Variants in WDPCP observed in about 807,000 individuals in gnomAD.
The protein encoded by WDPCP is WD repeat containing planar cell polarity effector.
A neutral mutation model predicts 93.1 loss-of-function variants in WDPCP; 71 were observed. That is an observed-to-expected ratio of 0.76 (90% CI 0.63 to 0.93). The LOEUF (loss-of-function observed/expected upper bound fraction) is 0.93. Among genes scored for constraint, WDPCP ranks in the 40% least tolerant of loss-of-function variants. WDPCP has a pLI of 0.00. For missense variants in WDPCP, 844 were observed against 887.4 expected (o/e 0.95, Z 0.62); for synonymous variants, 315 against 315.0 (o/e 1.00, Z 0.00).
intron 14 of WDPCP, among the ~76,000 whole-genome samples, chr2:63,184,964 A>AT (rs1387398616): frequency 3.3e-5 from 5 of 151,834 alleles, no homozygotes; most frequent in South Asian, 4.2e-4. Flanking sequence ...AAATTTTGAG[A>AT]TTTTGTCTTC....
At chr2:63,306,611 C>A (rs1685764490) in intron 13 of WDPCP, among the ~76,000 whole-genome samples, 1 of 152,144 alleles carries the variant, frequency 6.6e-6, no homozygotes, top group African/African-American at 2.4e-5. Context: ...AAACGTAATC[C>A]ATCACATAAA....
At chr2:63,394,012 C>G (rs942297656) in intron 10 of WDPCP, among the ~76,000 whole-genome samples, 1 of 152,070 alleles carries the variant, frequency 6.6e-6, no homozygotes, top group South Asian at 2.1e-4. Context: ...CAGGCCCTGG[C>G]AAAGATTTCA....
intron 14 of WDPCP, among the ~76,000 whole-genome samples, chr2:63,222,386 A>C (rs879554608): frequency 6.6e-6 from 1 of 152,180 alleles, no homozygotes; most frequent in Non-Finnish European, 1.5e-5. Flanking sequence ...CCTTTAAAAA[A>C]CAAGACACTG....
intron 3 of WDPCP, among the ~76,000 whole-genome samples, chr2:63,628,648 A>C (rs565488505): frequency 2.0e-4 from 30 of 152,338 alleles, no homozygotes; most frequent in Non-Finnish European, 4.0e-4. Context: ...AGGAGGCCTC[A>C]GTTTTTCCAT....
At chr2:63,722,656 G>GT (rs1195472074) in intron 2 of WDPCP, among the ~76,000 whole-genome samples, 2 of 53,556 alleles carry the variant, frequency 3.7e-5, no homozygotes, top group Admixed American at 1.4e-4. Context: ...CGGGAGGGAG[G>GT]TGGGGGGGGG....
chr2:63,511,936 G>A (rs1246482584), intron 1 of WDPCP, among the ~76,000 whole-genome samples: 1 of 152,134 alleles, frequency 6.6e-6, no homozygotes. Flanking sequence ...CATAGCAAAA[G>A]AAACTATCAT....
chr2:63,240,259 A>G (rs952283961), intron 14 of WDPCP, among the ~76,000 whole-genome samples: 1 of 151,970 alleles, frequency 6.6e-6, no homozygotes, highest in Non-Finnish European at 1.5e-5. Flanking sequence ...ACTCACTGTA[A>G]CCTCAAACTC....
chr2:63,595,424 C>G (rs1709290003), intron 3 of WDPCP: 1 of 1,596,280 alleles, frequency 6.3e-7, no homozygotes, highest in Non-Finnish European at 8.6e-7. Flanking sequence ...ATTTGGTAGC[C>G]TATAATTCTT....
At chr2:63,313,038 G>T (rs1342041187) in intron 13 of WDPCP, among the ~76,000 whole-genome samples, 1 of 152,046 alleles carries the variant, frequency 6.6e-6, no homozygotes, top group Non-Finnish European at 1.5e-5. Flanking sequence ...AAGATCCATT[G>T]GAGCCAGCAA....
At chr2:63,264,512 T>G (rs1356192294) in intron 13 of WDPCP, among the ~76,000 whole-genome samples, 1 of 152,188 alleles carries the variant, frequency 6.6e-6, no homozygotes, top group Non-Finnish European at 1.5e-5. Context: ...GATAAAGGGT[T>G]CAGTTCATCA....
intron 6 of WDPCP, among the ~76,000 whole-genome samples, chr2:63,467,105 T>C (rs1332408673): frequency 6.6e-6 from 1 of 152,194 alleles, no homozygotes; most frequent in Non-Finnish European, 1.5e-5. Context: ...AATATATCAG[T>C]CAATTATCAT....
At chr2:63,622,455 A>C (rs552619423) in intron 3 of WDPCP, 1 of 1,613,644 alleles carries the variant, frequency 6.2e-7, no homozygotes, top group African/African-American at 1.3e-5. Context: ...TTCCCGGCGG[A>C]TTTCAGTCCA....
intron 1 of WDPCP, among the ~76,000 whole-genome samples, chr2:63,551,030 A>G (rs1198144026): frequency 6.6e-6 from 1 of 152,066 alleles, no homozygotes; most frequent in Non-Finnish European, 1.5e-5. Context: ...CTGCCTTGCT[A>G]CTCACATCCA....
At chr2:63,318,493 T>C (rs773147116) in intron 12 of WDPCP, among the ~76,000 whole-genome samples, 2 of 152,136 alleles carry the variant, frequency 1.3e-5, no homozygotes, top group African/African-American at 4.8e-5. Context: ...CTATTCACAA[T>C]AGGAAGGACA....
intron 2 of WDPCP, among the ~76,000 whole-genome samples, chr2:63,787,935 G>A (rs1670492621): frequency 6.6e-6 from 1 of 152,122 alleles, no homozygotes; most frequent in Admixed American, 6.6e-5. Context: ...AGCTACTTGG[G>A]AGACTGAGGC....
chr2:63,506,985 AAG>A (rs1266065780), intron 1 of WDPCP, among the ~76,000 whole-genome samples: 3 of 151,854 alleles, frequency 2.0e-5, no homozygotes, highest in Non-Finnish European at 2.9e-5. Context: ...CGTACAGAGA[AAG>A]AGAGAGAGAG....
At chr2:63,623,744 T>A (rs1019105650) in intron 3 of WDPCP, among the ~76,000 whole-genome samples, 2 of 152,126 alleles carry the variant, frequency 1.3e-5, no homozygotes, top group Non-Finnish European at 2.9e-5. Flanking sequence ...AGTGGGAGTC[T>A]TTAACACCCC....
intron 1 of WDPCP, among the ~76,000 whole-genome samples, chr2:63,558,472 T>C (rs906440459): frequency 6.7e-6 from 1 of 150,322 alleles, no homozygotes; most frequent in East Asian, 1.9e-4. Flanking sequence ...GAGGTTGCAG[T>C]GAGCTGAGAC....
rs1280287976 is a variant in WDPCP, at chr2:63,560,065, C to CA, written c.75+28131dup. 2.7e-5 allele frequency among the ~76,000 whole-genome samples: 4 copies of CA among 147,538 alleles called. No homozygotes were observed. The South Asian group carries it at 6.2e-4, about 23-fold the overall frequency. On this transcript the variant is annotated intron_variant, in intron 1 of 17. Coordinates refer to ENST00000272321, the MANE Select transcript of WDPCP (RefSeq NM_015910.7). Reference sequence around the variant, plus strand: ...GACCAAACCCTGTCTCTTAAAACTACAAAAAAAATTAGCCAGGCGTGGTGT... The same window carrying CA: ...GACCAAACCCTGTCTCTTAAAACTACAAAAAAAAATTAGCCAGGCGTGGTGT...
Sources: allele counts gnomAD v4.1 joint callset (sites outside exome capture counted in the v4.1 genomes callset), GRCh38; gene constraint gnomAD v4.1.1; transcripts MANE v1.5; gene names NCBI Gene and HGNC (gene_info 2026-07-23, HGNC 2026-07-21).